DST: variants seen among roughly 807,000 people sequenced by gnomAD.
DST encodes bullous pemphigoid antigen.
In DST, 253 loss-of-function variants were observed where a neutral mutation model predicts 875.2. That is an observed-to-expected ratio of 0.29 (90% CI 0.26 to 0.32). The LOEUF is 0.32. Ranked by LOEUF, DST falls within the 10% of genes least tolerant of loss-of-function variation. The probability of loss-of-function intolerance (pLI) is 1.00; values close to 1 mark genes in which losing one functional copy is unlikely to be tolerated. For missense variants in DST, 8,287 were observed against 9,111.6 expected (o/e 0.91, Z 3.68); for synonymous variants, 3,124 against 3,197.1 (o/e 0.98, Z 0.77).
chr6:56,532,339 G>A lies in DST; in HGVS notation c.17108+5C>T, dbSNP rs756714828. On this transcript the variant is annotated splice_donor_5th_base_variant and intron_variant, in intron 64 of 103. Coordinates refer to ENST00000680361, the MANE Select transcript of DST (RefSeq NM_001374736.1). ...TTTCAAAAGAACTGGAAGTATATAAGTTACCTTGTTTCAGCTTTATTAAGC... is the reference window on the plus strand; with the variant it reads ...TTTCAAAAGAACTGGAAGTATATAAATTACCTTGTTTCAGCTTTATTAAGC... The A allele has an allele frequency of 6.2e-7, 1 of 1,612,972 alleles. No individual in the cohort carries two copies. Among genetic ancestry groups the A allele is most frequent in the Non-Finnish European group, 8.5e-7 (1 of 1,179,436 alleles).
chr6:56,758,866 T>C (rs2099610478), intron 4 of DST, among the ~76,000 whole-genome samples: 1 of 152,148 alleles, frequency 6.6e-6, no homozygotes, highest in African/African-American at 2.4e-5. Context: ...ATGAAAGTCA[T>C]GTGGTATTCT....
At chr6:56,715,552 T>A (rs1468238294) in intron 5 of DST, among the ~76,000 whole-genome samples, 1 of 152,186 alleles carries the variant, frequency 6.6e-6, no homozygotes, top group Non-Finnish European at 1.5e-5. Context: ...TAGAATTTCC[T>A]TAGCTGACTA....
At chr6:56,823,182 C>A (rs1044368242) in intron 4 of DST, among the ~76,000 whole-genome samples, 2 of 152,142 alleles carry the variant, frequency 1.3e-5, no homozygotes, top group African/African-American at 2.4e-5. Flanking sequence ...GAGTTCCCAA[C>A]AAATTTCTAA....
Position 56,562,215 on chromosome 6 carries a change from A to T in DST, c.14006-15T>A, listed in dbSNP as rs773386365. 3 of 1,507,908 alleles carry T rather than the reference A, an allele frequency of 2.0e-6. No individual in the cohort carries two copies. The highest frequency in any genetic ancestry group is 2.7e-6 in the Non-Finnish European group (3 of 1,120,090). 93.4% of individuals were successfully genotyped at this position (1,507,908 alleles called of 1,614,324 possible). A position where few individuals can be genotyped will look rare whatever the true frequency, so the allele number is the denominator to read the frequency against. On this transcript the variant is annotated splice_polypyrimidine_tract_variant and intron_variant, in intron 55 of 103. Coordinates refer to ENST00000680361, the MANE Select transcript of DST (RefSeq NM_001374736.1). Reference sequence around the variant, plus strand: ...TACTGCTCCACCTGCAAAAATAGTAACACTAAAATAATCACAGTTTCATAG... The same window carrying T: ...TACTGCTCCACCTGCAAAAATAGTATCACTAAAATAATCACAGTTTCATAG...
chr6:56,832,813 C>T (rs2099788805), intron 4 of DST, among the ~76,000 whole-genome samples: 1 of 152,158 alleles, frequency 6.6e-6, no homozygotes, highest in Non-Finnish European at 1.5e-5. Context: ...GATCTCAGCT[C>T]ACTGCAACCT....
At chr6:56,637,601 A>G (rs541416542) in intron 22 of DST, among the ~76,000 whole-genome samples, 1 of 152,260 alleles carries the variant, frequency 6.6e-6, no homozygotes, top group African/African-American at 2.4e-5. Context: ...AATGATGATA[A>G]TACTAGGAAT....
At chr6:56,785,421 G>C (rs546446636) in intron 4 of DST, among the ~76,000 whole-genome samples, 2 of 152,136 alleles carry the variant, frequency 1.3e-5, no homozygotes, top group African/African-American at 4.8e-5. Context: ...AATGGCAGGC[G>C]CCCCTCCGCC....
intron 43 of DST, among the ~76,000 whole-genome samples, chr6:56,602,652 C>T (rs1337764529): frequency 6.6e-6 from 1 of 151,724 alleles, no homozygotes; most frequent in African/African-American, 2.4e-5. Flanking sequence ...AAAATCTCAA[C>T]ATGTCAGTGG....
chr6:56,722,207 T>C (rs2099419603), intron 5 of DST, among the ~76,000 whole-genome samples: 1 of 152,088 alleles, frequency 6.6e-6, no homozygotes. Flanking sequence ...GCAAATACAC[T>C]TAGGAGGAAT....
In DST at chr6:56,697,089, C is replaced by G. The variant is rs914081240; in HGVS notation, c.1047+2564G>C. On this transcript the variant is annotated intron_variant, in intron 9 of 103. Transcript: ENST00000680361. ...CAGGATATCCCACCATCCCATCAAG[C>G]CCACCCAGAAAGTAAGTGCTTTTCC... Among the ~76,000 whole-genome samples the G allele has an allele frequency of 7.2e-5, 11 of 152,286 alleles. No individual in the cohort carries two copies. The South Asian group carries it at 2.3e-3, about 32-fold the overall frequency.
At chr6:56,812,259 C>T (rs908892656) in intron 4 of DST, among the ~76,000 whole-genome samples, 3 of 152,006 alleles carry the variant, frequency 2.0e-5, no homozygotes, top group African/African-American at 7.2e-5. Context: ...TTATATCAGG[C>T]TTTTCTTGTT....
chr6:56,851,763 CA>C, intron 3 of DST, 159 bp from the exon 4 acceptor site: 1 of 1,551,528 alleles, frequency 6.4e-7, no homozygotes, highest in African/African-American at 1.4e-5. Context: ...ATGCAGAAAC[CA>C]AAAAAATAAA....
rs747080141 is a variant in DST at position 56,458,756 on chromosome 6, C to T, written c.*249G>A. 2.9e-4 allele frequency: 99 copies of T among 344,194 alleles called. No homozygotes were observed. Among genetic ancestry groups the T allele is most frequent in the South Asian group, 8.5e-4 (12 of 14,184 alleles). 21.3% of individuals were successfully genotyped at this position (344,194 alleles called of 1,614,324 possible). On this transcript the variant is annotated 3_prime_UTR_variant, in exon 104 of 104. Transcript: ENST00000680361. ...AACTGAGTTTAGTGTGTGCCCGGCA[C>T]GTTACAGTGCAGAAATGTTAGTTCA...
At chr6:56,595,998 C>CT (rs2098375920) in intron 47 of DST, among the ~76,000 whole-genome samples, 1 of 70,158 alleles carries the variant, frequency 1.4e-5, no homozygotes, top group African/African-American at 4.8e-5. Flanking sequence ...CAGATTAGGA[C>CT]TTTCTTTCTT....
At chr6:56,485,923 C>A (rs1221668088) in intron 87 of DST, among the ~76,000 whole-genome samples, 2 of 152,142 alleles carry the variant, frequency 1.3e-5, no homozygotes, top group Non-Finnish European at 2.9e-5. Flanking sequence ...TCTTTATAGA[C>A]ACGCCCTGCC....
intron 55 of DST, among the ~76,000 whole-genome samples, chr6:56,564,183 C>T (rs1256169147): frequency 6.6e-6 from 1 of 152,148 alleles, no homozygotes; most frequent in South Asian, 2.1e-4. Context: ...ACCATTTTCA[C>T]GATATTGATT....
chr6:56,830,021 T>G (rs748851071), intron 4 of DST, among the ~76,000 whole-genome samples: 1 of 152,158 alleles, frequency 6.6e-6, no homozygotes, highest in Non-Finnish European at 1.5e-5. Flanking sequence ...AAGAATCTAC[T>G]TAATCATGAA....
chr6:56,594,563 T>C (rs921030162), intron 47 of DST, among the ~76,000 whole-genome samples: 3 of 152,222 alleles, frequency 2.0e-5, no homozygotes, highest in Non-Finnish European at 4.4e-5. Context: ...AGAATGTCTT[T>C]ACCTAATTTT....
At chr6:56,539,192 G>C (rs1356234420) in intron 61 of DST, among the ~76,000 whole-genome samples, 1 of 151,948 alleles carries the variant, frequency 6.6e-6, no homozygotes, top group Non-Finnish European at 1.5e-5. Context: ...ATTAATTTCA[G>C]GGGTTTATAT....
Sources: gnomAD v4.1 joint callset for allele counts (sites outside exome capture counted in the v4.1 genomes callset) on GRCh38, gnomAD v4.1.1 for gene constraint, MANE v1.5 for transcripts, NCBI Gene and HGNC (gene_info 2026-07-23, HGNC 2026-07-21) for gene names.